Variants in SPEN observed in about 807,000 individuals in gnomAD.
The protein encoded by SPEN is spen family transcriptional repressor, also known as msx2-interacting protein.
A neutral mutation model predicts 269.9 loss-of-function variants in SPEN; 18 were observed. The ratio of observed to expected loss-of-function variants is 0.07; its 90% CI spans 0.05 to 0.10. SPEN has a LOEUF of 0.10. SPEN is among the 10% of genes least tolerant of loss of function. The pLI is 1.00. For synonymous variants in SPEN, 1,726 were observed against 1,765.7 expected (o/e 0.98, Z 0.56); for missense variants, 3,822 against 4,631.2 (o/e 0.83, Z 5.07).
rs371820417 is a variant in SPEN, at chr1:15,880,453, C to CTTT, written c.881+3795_881+3797dup. On this transcript the variant is annotated intron_variant, in intron 3 of 14. Coordinates refer to ENST00000375759, the MANE Select transcript of SPEN (RefSeq NM_015001.3). Reference sequence around the variant, plus strand: ...TGTGACAAATTTTATGTAATTATAGCTTTTTTTTTTTTTTTTTTTTTTGAG... The same window carrying CTTT: ...TGTGACAAATTTTATGTAATTATAGCTTTTTTTTTTTTTTTTTTTTTTTTTGAG... Among the ~76,000 whole-genome samples the CTTT allele has an allele frequency of 3.5e-3, 385 of 110,942 alleles. 5 individuals carry two copies. The highest frequency in any genetic ancestry group is 4.4e-3 in the African/African-American group (121 of 27,356). 72.8% of individuals were successfully genotyped at this position (110,942 alleles called of 152,430 possible).
chr1:15,911,703 G>A, intron 5 of SPEN, among the ~76,000 whole-genome samples: 1 of 152,246 alleles, frequency 6.6e-6, no homozygotes, highest in East Asian at 1.9e-4. Flanking sequence ...GCTCATGCCT[G>A]TAATCCCAGC....
intron 3 of SPEN, among the ~76,000 whole-genome samples, chr1:15,877,438 T>C (rs1442147088): frequency 2.0e-5 from 3 of 152,146 alleles, no homozygotes; most frequent in African/African-American, 7.2e-5. Flanking sequence ...CTGGCTAATT[T>C]TGTATTTAGT....
intron 3 of SPEN, among the ~76,000 whole-genome samples, chr1:15,882,673 T>C (rs1292331042): frequency 6.6e-6 from 1 of 151,770 alleles, no homozygotes; most frequent in East Asian, 1.9e-4. Context: ...AAAAGAAAAT[T>C]CTTATTTGCC....
intron 3 of SPEN, among the ~76,000 whole-genome samples, chr1:15,892,124 C>T (rs2070796704): frequency 6.9e-6 from 1 of 145,870 alleles, no homozygotes; most frequent in South Asian, 2.2e-4. Flanking sequence ...CGGTTCACGT[C>T]ATTCTCCTGC....
intron 5 of SPEN, among the ~76,000 whole-genome samples, chr1:15,913,790 G>A (rs1409105694): frequency 6.6e-6 from 1 of 152,002 alleles, no homozygotes; most frequent in African/African-American, 2.4e-5. Context: ...CCAGGAGTTT[G>A]AGGCTGCAGT....
chr1:15,938,678 T>A, intron 13 of SPEN, 40 bp from the exon 14 acceptor site: 1 of 1,586,476 alleles, frequency 6.3e-7, no homozygotes, highest in Non-Finnish European at 8.6e-7. Flanking sequence ...GCTGTTTGAC[T>A]AGGAGGCCCC....
chr1:15,879,917 G>T (rs972329327), intron 3 of SPEN, among the ~76,000 whole-genome samples: 1 of 152,150 alleles, frequency 6.6e-6, no homozygotes, highest in East Asian at 1.9e-4. Context: ...CCATCCGCCC[G>T]CCTCGACCTC....
At chr1:15,927,051 G>GT (rs2071174345) in intron 10 of SPEN, among the ~76,000 whole-genome samples, 1 of 152,238 alleles carries the variant, frequency 6.6e-6, no homozygotes, top group Non-Finnish European at 1.5e-5. Flanking sequence ...TGAGCCAGGT[G>GT]TATCTACATG....
chr1:15,872,222 CAA>C (rs58028111), intron 1 of SPEN, among the ~76,000 whole-genome samples: 1,617 of 62,124 alleles, frequency 0.026, 23 homozygotes, highest in African/African-American at 0.086. Context: ...GACTCTGTCT[CAA>C]AAAAAAAAAA....
rs143081987 is a variant in SPEN at position 15,884,520 on chromosome 1, A to G, written c.881+7842A>G. Reference sequence around the variant, plus strand: ...TGGCATTGTATGTATCAAAGTGACAATGTACCTTCCATTTCTCTCTCTCTT... The same window carrying G: ...TGGCATTGTATGTATCAAAGTGACAGTGTACCTTCCATTTCTCTCTCTCTT... On this transcript the variant is annotated intron_variant, in intron 3 of 14. Transcript: ENST00000375759. Among the ~76,000 whole-genome samples, 981 of 152,238 alleles carry G rather than the reference A, an allele frequency of 6.4e-3. 8 individuals are homozygous for G. Among genetic ancestry groups the G allele is most frequent in the Middle Eastern group, 0.02 (6 of 294 alleles).
rs1172878289 is a variant in SPEN at position 15,847,855 on chromosome 1, C to T, written c.-213C>T. 3.8e-6 allele frequency: 1 copy of T among 264,560 alleles called. No homozygotes were observed. 16.4% of individuals were successfully genotyped at this position (264,560 alleles called of 1,614,324 possible). On this transcript the variant is annotated 5_prime_UTR_variant, in exon 1 of 15. Transcript: ENST00000375759. ...AGGGTCGGCTTCGGGTGTGTGGTGG[C>T]GGCAGAGCTGAGCTGCGAGGCCCGA...
At chr1:15,922,550 GAGC>G (rs2071129411) in intron 10 of SPEN, among the ~76,000 whole-genome samples, 2 of 152,018 alleles carry the variant, frequency 1.3e-5, no homozygotes, top group Non-Finnish European at 2.9e-5. Flanking sequence ...TATGGGTTTG[GAGC>G]AACCTGTCTG....
chr1:15,923,720 A>G (rs2071140079), intron 10 of SPEN, among the ~76,000 whole-genome samples: 1 of 150,794 alleles, frequency 6.6e-6, no homozygotes, highest in Admixed American at 6.6e-5. Flanking sequence ...TCTAGGCTAG[A>G]GTGCAGTGAT....
chr1:15,922,098 T>G, intron 9 of SPEN, 151 bp from the exon 10 acceptor site: 1 of 607,824 alleles, frequency 1.6e-6, no homozygotes, highest in Non-Finnish European at 2.9e-6. Context: ...TAATATAGTT[T>G]CAGTGATGAG....
intron 3 of SPEN, among the ~76,000 whole-genome samples, chr1:15,905,712 A>G (rs1009719771): frequency 4.0e-5 from 6 of 151,850 alleles, no homozygotes; most frequent in Non-Finnish European, 8.8e-5. Context: ...AGCTGGGACT[A>G]CAGACGCACG....
intron 1 of SPEN, among the ~76,000 whole-genome samples, chr1:15,870,169 C>T (rs752202629): frequency 9.9e-5 from 15 of 151,972 alleles, no homozygotes; most frequent in South Asian, 2.1e-4. Context: ...CATGCCCAGC[C>T]GATCATTTGC....
intron 9 of SPEN, 28 bp from the exon 10 acceptor site, chr1:15,922,221 C>G (rs758940763): frequency 2.7e-6 from 4 of 1,500,622 alleles, no homozygotes; most frequent in Non-Finnish European, 9.1e-7. Context: ...TTGAAACTTG[C>G]ATCAAACACC....
chr1:15,919,561 T>C, intron 8 of SPEN, 44 bp downstream of exon 8: 1 of 1,223,364 alleles, frequency 8.2e-7, no homozygotes, highest in Middle Eastern at 2.0e-4. Context: ...TCTGACTCAC[T>C]CGTCTTGGTA....
chr1:15,865,589 A>AT (rs1569979140), intron 1 of SPEN, among the ~76,000 whole-genome samples: 1 of 144,924 alleles, frequency 6.9e-6, no homozygotes, highest in South Asian at 2.2e-4. Flanking sequence ...CATCCGGCTA[A>AT]TTTTTTTGTA....
Sources: gnomAD v4.1 joint callset for allele counts (sites outside exome capture counted in the v4.1 genomes callset) on GRCh38, gnomAD v4.1.1 for gene constraint, MANE v1.5 for transcripts, NCBI Gene and HGNC (gene_info 2026-07-23, HGNC 2026-07-21) for gene names.